The following SCUBE2 variants were observed in gnomAD, a reference collection of about 807,000 sequenced individuals.
SCUBE2 encodes signal peptide, CUB domain and EGF like domain containing 2, also known as signal peptide, CUB and EGF-like domain-containing protein 2.
Under a neutral mutation model 125.9 loss-of-function variants are expected in SCUBE2, and 114 were observed. The observed-to-expected ratio is 0.91, with a 90% CI of 0.78 to 1.06. SCUBE2 has a LOEUF of 1.06. SCUBE2 is among the 50% of genes least tolerant of loss of function. The probability of loss-of-function intolerance (pLI) is 0.00; values close to 1 mark genes in which losing one functional copy is unlikely to be tolerated. For missense variants in SCUBE2, 1,255 were observed against 1,301.8 expected (o/e 0.96, Z 0.55); for synonymous variants, 459 against 492.9 (o/e 0.93, Z 0.91).
At chr11:9,065,863 G>C (rs766874500) in intron 7 of SCUBE2, 28 bp downstream of exon 7, 1 of 1,593,520 alleles carries the variant, frequency 6.3e-7, no homozygotes, top group African/African-American at 1.3e-5. Flanking sequence ...AATTGCAGTG[G>C]CCAAGGAAAG....
At chr11:9,027,900 A>T (rs1197708351) in intron 19 of SCUBE2, among the ~76,000 whole-genome samples, 1 of 152,204 alleles carries the variant, frequency 6.6e-6, no homozygotes, top group East Asian at 1.9e-4. Context: ...CATGAGACAG[A>T]ACTTCTAGGT....
At chr11:9,049,211 G>A (rs1418241689) in intron 14 of SCUBE2, among the ~76,000 whole-genome samples, 3 of 152,116 alleles carry the variant, frequency 2.0e-5, no homozygotes, top group African/African-American at 4.8e-5. Context: ...ATCCCATTAA[G>A]TAAACTATAG....
intron 16 of SCUBE2, among the ~76,000 whole-genome samples, chr11:9,043,925 TG>T (rs1334360857): frequency 1.3e-5 from 2 of 152,198 alleles, no homozygotes; most frequent in Non-Finnish European, 2.9e-5. Context: ...CATGATCTTT[TG>T]GGAAAGTAAT....
intron 21 of SCUBE2, among the ~76,000 whole-genome samples, chr11:9,023,635 A>T (rs897587163): frequency 6.6e-6 from 1 of 152,234 alleles, no homozygotes; most frequent in Non-Finnish European, 1.5e-5. Flanking sequence ...AAACGCAGGA[A>T]AGTTACAGGT....
intron 16 of SCUBE2, among the ~76,000 whole-genome samples, chr11:9,041,895 A>G (rs1359836586): frequency 6.6e-6 from 1 of 152,088 alleles, no homozygotes; most frequent in Non-Finnish European, 1.5e-5. Flanking sequence ...GGAGGGGTTG[A>G]TGGGGACAGC....
rs772620747 is a variant in SCUBE2, at chr11:9,074,630, G to C, written c.383-15C>G. On this transcript the variant is annotated splice_polypyrimidine_tract_variant and intron_variant, in intron 3 of 22. Coordinates refer to ENST00000649792, the MANE Select transcript of SCUBE2 (RefSeq NM_001367977.2). ...CTCGTCCACATCTGGAAGGAGAGAG[G>C]GATTAGCCTTTGCTTTGGTGACTGT... is the stretch of plus-strand genomic sequence containing the variant. 1 of 1,614,022 alleles carries C rather than the reference G, an allele frequency of 6.2e-7. No individual in the cohort carries two copies. The highest frequency in any genetic ancestry group is 2.2e-5 in the East Asian group (1 of 44,884).
rs1439797568 is a variant in SCUBE2, at chr11:9,048,030, G to A, written c.1708C>T (p.Pro570Ser). The A allele has an allele frequency of 6.2e-7, 1 of 1,614,152 alleles. No individual in the cohort carries two copies. The change falls in exon 15 of 23, where the codon CCA becomes TCA. Residue 570 changes from proline (P) to serine (S), a missense_variant. Coordinates refer to ENST00000649792, the MANE Select transcript of SCUBE2 (RefSeq NM_001367977.2). ...GTGCTTGGTCGGCCAGGGGCTCCTG[G>A]GACTTGCTTGCCAGAGCTGCATGTA... ...NLTCSSGKQV[P>S]GAPGRPSTPK...
At chr11:9,021,606 T>G (rs1855298571) in intron 22 of SCUBE2, among the ~76,000 whole-genome samples, 2 of 152,260 alleles carry the variant, frequency 1.3e-5, no homozygotes, top group African/African-American at 2.4e-5. Flanking sequence ...AGAAAAACAT[T>G]ATTTGCTGTT....
At chr11:9,075,059 C>T in intron 3 of SCUBE2, among the ~76,000 whole-genome samples, 1 of 151,890 alleles carries the variant, frequency 6.6e-6, no homozygotes, top group East Asian at 1.9e-4. Flanking sequence ...CTATTAAAAA[C>T]ACAAAAATCA....
intron 9 of SCUBE2, among the ~76,000 whole-genome samples, chr11:9,057,691 C>T (rs1380768366): frequency 6.6e-6 from 1 of 151,762 alleles, no homozygotes; most frequent in Admixed American, 6.6e-5. Context: ...CCACCATGCC[C>T]CCACCTAATT....
At chr11:9,065,402 G>C (rs1255067825) in intron 7 of SCUBE2, among the ~76,000 whole-genome samples, 1 of 152,148 alleles carries the variant, frequency 6.6e-6, no homozygotes, top group Non-Finnish European at 1.5e-5. Flanking sequence ...ACCTTGTGAA[G>C]AAGGTACCTT....
chr11:9,035,051 C>G (rs1856647477), intron 16 of SCUBE2, among the ~76,000 whole-genome samples: 2 of 152,132 alleles, frequency 1.3e-5, no homozygotes, highest in Admixed American at 1.3e-4. Context: ...TAAGGAAATT[C>G]ATCAATGTTG....
chr11:9,043,373 T>A (rs180708805), intron 16 of SCUBE2, among the ~76,000 whole-genome samples: 1 of 152,332 alleles, frequency 6.6e-6, no homozygotes, highest in African/African-American at 2.4e-5. Flanking sequence ...TAGCTAGACA[T>A]CCATGTCATA....
chr11:9,065,666 G>A (rs138461696), intron 7 of SCUBE2, among the ~76,000 whole-genome samples: 17 of 152,260 alleles, frequency 1.1e-4, no homozygotes, highest in African/African-American at 3.1e-4. Context: ...GCATTGGGAC[G>A]TTAACCTGAT....
In SCUBE2 at chr11:9,089,828, A is replaced by T. The variant is rs767579440; in HGVS notation, c.135T>A (p.Asp45Glu). 4.3e-6 allele frequency: 7 copies of T among 1,613,444 alleles called. No homozygotes were observed. In the South Asian group the frequency reaches 5.5e-5, roughly 13 times the overall value. ...GRGRAAGPQE[D>E]VDECAQGLDD... ...CTAGCCCTTGGGCACACTCATCTAC[A>T]TCTGCAAAAGAGCACAGCTGACACC... The change falls in exon 2 of 23, where the codon GAT (aspartate) becomes GAA (glutamate). Residue 45 changes from aspartate (D) to glutamate (E), a missense_variant and splice_region_variant. Asp to Glu is a conservative substitution (Grantham distance 45). This residue lies in a region of SCUBE2 where 362 missense variants were observed against 323.0 expected (regional missense o/e 1.12). Coordinates refer to ENST00000649792, the MANE Select transcript of SCUBE2 (RefSeq NM_001367977.2).
intron 16 of SCUBE2, among the ~76,000 whole-genome samples, chr11:9,039,405 T>G (rs1469703866): frequency 6.6e-6 from 1 of 152,208 alleles, no homozygotes; most frequent in African/African-American, 2.4e-5. Flanking sequence ...GGCTTTCCAC[T>G]TGAGCAACTG....
At chr11:9,058,612 A>C in intron 9 of SCUBE2, among the ~76,000 whole-genome samples, 1 of 143,110 alleles carries the variant, frequency 7.0e-6, no homozygotes, top group African/African-American at 2.8e-5. Flanking sequence ...AAAAAAAAAA[A>C]AAAAAAAAAA....
chr11:9,073,433 C>A (rs972295496), intron 4 of SCUBE2, among the ~76,000 whole-genome samples: 4 of 152,076 alleles, frequency 2.6e-5, no homozygotes, highest in Non-Finnish European at 5.9e-5. Context: ...TTTCTTGGTA[C>A]CCAAACAGGT....
At chr11:9,024,282 C>T in intron 21 of SCUBE2, 4 of 1,093,296 alleles carry the variant, frequency 3.7e-6, no homozygotes, top group Non-Finnish European at 4.5e-6. Flanking sequence ...GGAGAGGTTG[C>T]CAGTTGGTTG....
Sources: allele counts gnomAD v4.1 joint callset (sites outside exome capture counted in the v4.1 genomes callset), GRCh38; gene constraint gnomAD v4.1.1; regional missense constraint gnomAD v4.1.1; transcripts MANE v1.5; gene names NCBI Gene and HGNC (gene_info 2026-07-23, HGNC 2026-07-21).